The following NOS2 variants were observed in gnomAD, a reference collection of about 807,000 sequenced individuals.
NOS2 encodes the protein nitric oxide synthase 2, also known as nitric oxide synthase, inducible.
A neutral mutation model predicts 136.0 loss-of-function variants in NOS2; 96 were observed. The ratio of observed to expected loss-of-function variants is 0.71; its 90% CI spans 0.60 to 0.84. The LOEUF is 0.84. Among genes scored for constraint, NOS2 ranks in the 40% least tolerant of loss-of-function variants. NOS2 has a pLI of 0.00. For synonymous variants in NOS2, 539 were observed against 587.5 expected (o/e 0.92, Z 1.20); for missense variants, 1,237 against 1,496.9 (o/e 0.83, Z 2.87).
rs145721811 is a variant in NOS2 at position 27,779,005 on chromosome 17, C to G, written c.1056G>C (p.Val352=). 3.3e-5 allele frequency: 53 copies of G among 1,610,032 alleles called. No individual in the cohort carries two copies. In the African/African-American group the frequency reaches 6.9e-4, roughly 21 times the overall value. The change falls in exon 10 of 27, where the codon GTG becomes GTC. Residue 352 remains valine (V), a synonymous_variant. Transcript: ENST00000313735. ...LELKWYALPA[V]ANMLLEVGGL... ...CGCCCACCTCAAGCAGCATGTTGGC[C>G]ACTGCAGGCAGGGCGTACCACTTTA... is the stretch of plus-strand genomic sequence containing the variant.
chr17:27,788,148 G>GT (rs928785809), intron 4 of NOS2, among the ~76,000 whole-genome samples: 1 of 151,586 alleles, frequency 6.6e-6, no homozygotes, highest in Non-Finnish European at 1.5e-5. Flanking sequence ...CATGATATTG[G>GT]TATTTGGCCA....
chr17:27,767,892 C>T, intron 17 of NOS2, 55 bp from the exon 18 acceptor site: 2 of 1,604,628 alleles, frequency 1.2e-6, no homozygotes, highest in Non-Finnish European at 1.7e-6. Context: ...AGCATCCCCA[C>T]CACTGGGGCT....
In NOS2 at chr17:27,764,064, G is replaced by A. The variant is rs528170673; in HGVS notation, c.2509C>T (p.Pro837Ser). The change falls in exon 21 of 27, where the codon CCC becomes TCC. Residue 837 changes from proline to serine, a missense_variant. By Grantham distance (74) the Pro-to-Ser change is moderately conservative. Coordinates refer to ENST00000313735, the MANE Select transcript of NOS2 (RefSeq NM_000625.4). ...ALTYFLDITTPPTQLLLQKLA... is the reference protein window; with the variant it reads ...ALTYFLDITTSPTQLLLQKLA... The stretch of plus-strand genomic sequence containing the variant: ...TTTTGGAGCAGCAGCTGGGTTGGGG[G>A]TGTGGTGATGTCCAGGAAGTAGGTG... The A allele has an allele frequency of 3.7e-6, 6 of 1,612,974 alleles. No homozygotes were observed. In the East Asian group the frequency reaches 6.7e-5, roughly 18 times the overall value.
intron 19 of NOS2, 58 bp downstream of exon 19, chr17:27,766,452 C>T (rs2151326512): frequency 1.4e-6 from 2 of 1,403,994 alleles, no homozygotes; most frequent in African/African-American, 1.4e-5. Flanking sequence ...TCTGATCTTT[C>T]ATTCGTTAAA....
intron 6 of NOS2, 61 bp downstream of exon 6, chr17:27,782,883 G>T: frequency 6.5e-7 from 1 of 1,544,064 alleles, no homozygotes; most frequent in Non-Finnish European, 8.9e-7. Flanking sequence ...GCTGTTCCAA[G>T]CCATCTGCTC....
intron 2 of NOS2, among the ~76,000 whole-genome samples, chr17:27,789,942 T>C (rs1040533791): frequency 1.3e-5 from 2 of 152,170 alleles, no homozygotes; most frequent in African/African-American, 2.4e-5. Context: ...CAGCAGCCCA[T>C]AGAGGATCTG....
chr17:27,793,722 T>C, intron 2 of NOS2: 1 of 392,912 alleles, frequency 2.5e-6, no homozygotes. Context: ...GCAGCTCCGC[T>C]GGCTCCACGC....
intron 17 of NOS2, among the ~76,000 whole-genome samples, chr17:27,768,563 C>T (rs1908386694): frequency 6.6e-6 from 1 of 152,238 alleles, no homozygotes; most frequent in South Asian, 2.1e-4. Context: ...GGGGCAATCA[C>T]AGCAATAAAG....
chr17:27,761,301 C>T, intron 22 of NOS2, 70 bp from the exon 23 acceptor site: 1 of 1,126,576 alleles, frequency 8.9e-7, no homozygotes, highest in African/African-American at 3.6e-5. Flanking sequence ...GCTGCTCCGC[C>T]CACACCACGG....
At chr17:27,786,380 C>T (rs555490619) in intron 5 of NOS2, among the ~76,000 whole-genome samples, 1 of 151,520 alleles carries the variant, frequency 6.6e-6, no homozygotes, top group East Asian at 2.0e-4. Flanking sequence ...GAGCCAAGAT[C>T]GTGCCACTGC....
In NOS2 at chr17:27,766,524, T is replaced by C. The variant is rs762422059; in HGVS notation, c.2232A>G (p.Gln744=). 6.2e-7 allele frequency: 1 copy of C among 1,614,058 alleles called. No homozygotes were observed. The highest frequency in any genetic ancestry group is 1.1e-5 in the South Asian group (1 of 91,088). ...CTTTCCCTTACCTGGATGTCGGACT[T>C]TGTAGATTCTGCCGAGATTTGAGCC... is the stretch of plus-strand genomic sequence containing the variant. ...TMRLKSRQNL[Q]SPTSSRATIL... is the part of the protein sequence containing the mutation. The change falls in exon 19 of 27, where the codon CAA becomes CAG. Residue 744 remains glutamine, a synonymous_variant. Coordinates refer to ENST00000313735, the MANE Select transcript of NOS2 (RefSeq NM_000625.4).
intron 2 of NOS2, among the ~76,000 whole-genome samples, chr17:27,798,373 A>T (rs1192036917): frequency 1.2e-5 from 1 of 83,062 alleles, no homozygotes; most frequent in Non-Finnish European, 2.5e-5. Context: ...CTCCACCCCC[A>T]CCCCTCCGCC....
At chr17:27,781,991 C>A in intron 7 of NOS2, 24 bp downstream of exon 7, 5 of 1,606,396 alleles carry the variant, frequency 3.1e-6, no homozygotes, top group Non-Finnish European at 4.3e-6. Context: ...AGCCCCTCTG[C>A]AGCCCTGGGA....
intron 21 of NOS2, among the ~76,000 whole-genome samples, chr17:27,763,287 G>T (rs1908195208): frequency 6.6e-6 from 1 of 152,172 alleles, no homozygotes; most frequent in South Asian, 2.1e-4. Flanking sequence ...CAAGGCTTTG[G>T]AACCAATCAG....
At chr17:27,786,237 A>G (rs1220400715) in intron 5 of NOS2, among the ~76,000 whole-genome samples, 1 of 151,560 alleles carries the variant, frequency 6.6e-6, no homozygotes, top group Non-Finnish European at 1.5e-5. Context: ...CCTGGCCAAC[A>G]TGATGAAACC....
intron 23 of NOS2, 100 bp from the exon 24 acceptor site, chr17:27,760,844 G>A: frequency 7.0e-7 from 1 of 1,425,580 alleles, no homozygotes; most frequent in Non-Finnish European, 9.4e-7. Context: ...GCGGTCGTGA[G>A]GGGGTGGAGA....
intron 5 of NOS2, among the ~76,000 whole-genome samples, chr17:27,785,044 A>G (rs778745148): frequency 6.6e-6 from 1 of 151,894 alleles, no homozygotes; most frequent in Non-Finnish European, 1.5e-5. Context: ...TCCAGAATAG[A>G]GTTGGGAACC....
At position 27,783,106 on chromosome 17, in the gene NOS2, C is replaced by T. The variant is rs774630448; in HGVS notation, c.468G>A (p.Glu156=). 2 of 1,613,992 alleles carry T rather than the reference C, an allele frequency of 1.2e-6. No homozygotes were observed. The highest frequency in any genetic ancestry group is 1.7e-5 in the Admixed American group (1 of 60,014). Residue 156 remains glutamate (E), a splice_region_variant and synonymous_variant, in exon 6 of 27, where the codon GAG becomes GAA. Coordinates refer to ENST00000313735, the MANE Select transcript of NOS2 (RefSeq NM_000625.4). ...TGGCCAGATGTTCCTCTATTTTTGC[C>T]CTGGGGGACAGGAAGACAGCAGGAA... The part of the protein sequence containing the change: ...FVNQYYGSFK[E]AKIEEHLARV...
At chr17:27,786,650 A>T (rs1227081840) in intron 5 of NOS2, among the ~76,000 whole-genome samples, 2 of 152,148 alleles carry the variant, frequency 1.3e-5, no homozygotes, top group Admixed American at 1.3e-4. Context: ...TCCTAGCTCT[A>T]TATTCTTTAA....
Sources: allele counts gnomAD v4.1 joint callset (sites outside exome capture counted in the v4.1 genomes callset), GRCh38; gene constraint gnomAD v4.1.1; transcripts MANE v1.5; gene names NCBI Gene and HGNC (gene_info 2026-07-23, HGNC 2026-07-21).